UBXN10: variants seen among roughly 807,000 people sequenced by gnomAD.
UBXN10 encodes the protein UBX domain-containing protein 10.
UBXN10 carries 6 observed loss-of-function variants against 6.9 expected under a neutral mutation model. That is an observed-to-expected ratio of 0.87 (90% CI 0.48 to 1.72). The LOEUF is 1.72. Among genes scored for constraint, UBXN10 ranks in the 40% most tolerant of loss-of-function variants. The pLI, the probability that UBXN10 is intolerant of heterozygous loss-of-function variation, is 0.01. For synonymous variants in UBXN10, 131 were observed against 135.2 expected (o/e 0.97, Z 0.21); for missense variants, 317 against 348.4 (o/e 0.91, Z 0.72).
intron 1 of UBXN10, among the ~76,000 whole-genome samples, chr1:20,190,293 C>G (rs1368014147): frequency 6.6e-6 from 1 of 152,088 alleles, no homozygotes; most frequent in Non-Finnish European, 1.5e-5. Flanking sequence ...TTGAAAATAT[C>G]TATTTACTTG....
At position 20,192,178 on chromosome 1, in the gene UBXN10, A is replaced by AT. The variant is rs1254528724; in HGVS notation, c.*777dup. 2.4e-5 allele frequency: 4 copies of AT among 167,012 alleles called. No individual in the cohort carries two copies. In the Admixed American group the frequency reaches 2.6e-4, roughly 11 times the overall value. The allele number at this position is 167,012 out of a possible 1,614,324, so 10.3% of individuals were successfully genotyped here. A position where few individuals can be genotyped will look rare whatever the true frequency, so the allele number is the denominator to read the frequency against. ...AACCGAGAAAAGCCAGTGCAGTCTGATTTCTTTTGCTTTTGTCAGTAATGG... is the reference window on the plus strand; with the variant it reads ...AACCGAGAAAAGCCAGTGCAGTCTGATTTTCTTTTGCTTTTGTCAGTAATGG... On this transcript the variant is annotated 3_prime_UTR_variant, in exon 2 of 2. Transcript: ENST00000375099.
At chr1:20,186,375 G>T (rs1363231720) in intron 1 of UBXN10, 2 of 152,292 alleles carry the variant, frequency 1.3e-5, no homozygotes, top group Non-Finnish European at 2.9e-5. Flanking sequence ...CCAAAATAGG[G>T]TGACTCCCGG....
In UBXN10 at chr1:20,191,058, G is replaced by C. The variant is rs780274676; in HGVS notation, c.497G>C (p.Arg166Pro). The C allele has an allele frequency of 1.2e-6, 2 of 1,614,114 alleles. No individual in the cohort carries two copies. The highest frequency in any genetic ancestry group is 1.7e-6 in the Non-Finnish European group (2 of 1,180,036). Residue 166 changes from arginine (R) to proline (P), a missense_variant, in exon 2 of 2, where the codon CGA becomes CCA. Coordinates refer to ENST00000375099, the MANE Select transcript of UBXN10 (RefSeq NM_152376.5). This position sits in a 1 kb window ranked among gnomAD's most constrained non-coding sequence, Gnocchi z 4.5. ...MKTSEEDSRA[R>P]ACAVERKFIV... ...ACAAGTGAAGAAGATTCCAGAGCTC[G>C]AGCTTGTGCCGTGGAGAGGAAATTC...
rs2018474053 is a variant in UBXN10, at chr1:20,190,569, C to G, written c.8C>G (p.Thr3Arg). 1 of 1,611,038 alleles carries G rather than the reference C, an allele frequency of 6.2e-7. No individual in the cohort carries two copies. Among genetic ancestry groups the G allele is most frequent in the African/African-American group, 1.3e-5 (1 of 74,962 alleles). MATEAPVNIAPPE... is the reference protein window; with the variant it reads MAREAPVNIAPPE... The stretch of plus-strand genomic sequence containing the variant: ...TAGGGGTCTTGAGAAGCAATGGCCA[C>G]AGAAGCCCCTGTGAATATAGCACCA... Residue 3 changes from threonine (T) to arginine (R), a missense_variant, in exon 2 of 2, where the codon ACA becomes AGA. By Grantham distance (71) the Thr-to-Arg change is moderately conservative (BLOSUM62 -1). Transcript: ENST00000375099.
In UBXN10 at chr1:20,191,246, G is replaced by C. The variant is rs761247627; in HGVS notation, c.685G>C (p.Glu229Gln). The C allele has an allele frequency of 6.2e-7, 1 of 1,614,038 alleles. No individual in the cohort carries two copies. Among genetic ancestry groups the C allele is most frequent in the African/African-American group, 1.3e-5 (1 of 74,924 alleles). The change falls in exon 2 of 2, where the codon GAA becomes CAA. Residue 229 changes from glutamate (E) to glutamine (Q), a missense_variant. Physicochemically the swap from Glu to Gln is conservative, Grantham distance 29. Transcript: ENST00000375099. This position sits in a 1 kb window ranked among gnomAD's most constrained non-coding sequence, Gnocchi z 4.5. ...DDLQTIVAVAEQKNKTSYRHC... is the reference protein window; with the variant it reads ...DDLQTIVAVAQQKNKTSYRHC... The stretch of plus-strand genomic sequence containing the variant: ...TTTGCAAACCATTGTTGCTGTGGCC[G>C]AACAGAAAAACAAAACCTCCTACCG...
intron 1 of UBXN10, among the ~76,000 whole-genome samples, chr1:20,189,195 T>C (rs911294539): frequency 3.0e-4 from 46 of 152,088 alleles, no homozygotes; most frequent in Non-Finnish European, 7.3e-5. Context: ...CTCCCAAATA[T>C]GCTGTTTCTT....
Position 20,193,528 on chromosome 1 carries a change from T to G in UBXN10, c.*2124T>G. 1 of 167,044 alleles carries G rather than the reference T, an allele frequency of 6.0e-6. No individual in the cohort carries two copies. 10.3% of individuals were successfully genotyped at this position (167,044 alleles called of 1,614,324 possible). A position where few individuals can be genotyped will look rare whatever the true frequency, so the allele number is the denominator to read the frequency against. On this transcript the variant is annotated 3_prime_UTR_variant, in exon 2 of 2. Coordinates refer to ENST00000375099, the MANE Select transcript of UBXN10 (RefSeq NM_152376.5). Reference sequence around the variant, plus strand: ...GTGTGAAACTGAGTCAGTGGAGAAGTGCATCTCGTATTTTAACCTAAGGCT... The same window carrying G: ...GTGTGAAACTGAGTCAGTGGAGAAGGGCATCTCGTATTTTAACCTAAGGCT...
chr1:20,196,020 CTTAA>C lies in UBXN10; in HGVS notation c.*4622_*4625del, dbSNP rs1009510300. On this transcript the variant is annotated 3_prime_UTR_variant, in exon 2 of 2. Coordinates refer to ENST00000375099, the MANE Select transcript of UBXN10 (RefSeq NM_152376.5). ...GGCAAACAAAGCCATCATTCTGGGGCTTAATTAATAAAGCTCCTAGTTTCATAGT... is the reference window on the plus strand; with the variant it reads ...GGCAAACAAAGCCATCATTCTGGGGCTTAATAAAGCTCCTAGTTTCATAGT... 4 of 166,108 alleles carry C rather than the reference CTTAA, an allele frequency of 2.4e-5. No individual in the cohort carries two copies. The highest frequency in any genetic ancestry group is 6.5e-5 in the Admixed American group (1 of 15,302). The allele number at this position is 166,108 out of a possible 1,614,324, so 10.3% of individuals were successfully genotyped here.
At chr1:20,183,771 A>C (rs1441183222), upstream of UBXN10, among the ~76,000 whole-genome samples, 1 of 152,198 alleles carries the variant, frequency 6.6e-6, no homozygotes. Context: ...GCATGGGCAA[A>C]GACACTGGAG....
chr1:20,186,251 C>G (rs1356459851), intron 1 of UBXN10, 98 bp downstream of exon 1: 2 of 152,276 alleles, frequency 1.3e-5, no homozygotes, highest in Non-Finnish European at 2.9e-5. Context: ...GCACATCACC[C>G]GGGAGGGCCT....
chr1:20,183,472 C>G (rs1448234251), upstream of UBXN10, among the ~76,000 whole-genome samples: 1 of 152,176 alleles, frequency 6.6e-6, no homozygotes, highest in African/African-American at 2.4e-5. Context: ...TGCTCTGCTG[C>G]TCCTTCACCA....
Position 20,190,739 on chromosome 1 carries a change from G to A in UBXN10, c.178G>A (p.Ala60Thr), listed in dbSNP as rs759257774. The A allele has an allele frequency of 1.2e-5, 19 of 1,613,926 alleles. No homozygotes were observed. Among genetic ancestry groups the A allele is most frequent in the African/African-American group, 4.0e-5 (3 of 74,876 alleles). Residue 60 changes from alanine (A) to threonine (T), a missense_variant, in exon 2 of 2, where the codon GCT (alanine) becomes ACT (threonine). Transcript: ENST00000375099. ...LQKSQGVEVC[A>T]HHIPSPPPAI... Reference sequence around the variant, plus strand: ...GAAATCCCAGGGCGTGGAGGTGTGCGCTCATCATATACCATCTCCGCCTCC... The same window carrying A: ...GAAATCCCAGGGCGTGGAGGTGTGCACTCATCATATACCATCTCCGCCTCC...
In UBXN10 at chr1:20,190,843, T is replaced by C. The variant is rs1450851147; in HGVS notation, c.282T>C (p.Asp94=). 26 of 1,613,584 alleles carry C rather than the reference T, an allele frequency of 1.6e-5. No individual in the cohort carries two copies. Among genetic ancestry groups the C allele is most frequent in the Non-Finnish European group, 2.1e-5 (25 of 1,179,792 alleles). ...AATCTCCAAACCAGGGAGCTTCTGA[T>C]GAGATCCCTGAGCTGCAGCAGCAAG... is the stretch of plus-strand genomic sequence containing the variant. ...APKSPNQGAS[D]EIPELQQQVP... The change falls in exon 2 of 2, where the codon GAT becomes GAC. Residue 94 remains aspartate, a synonymous_variant. Coordinates refer to ENST00000375099, the MANE Select transcript of UBXN10 (RefSeq NM_152376.5).
rs2018506268 is a variant in UBXN10 at position 20,191,737 on chromosome 1, TGCCTTTA to T, written c.*334_*340del. ...TAATGGTCCTTTTCGAACACCGGCTTGCCTTTACAGTGAACTGTGATTCTCTCGAAGC... is the reference window on the plus strand; with the variant it reads ...TAATGGTCCTTTTCGAACACCGGCTTCAGTGAACTGTGATTCTCTCGAAGC... On this transcript the variant is annotated 3_prime_UTR_variant, in exon 2 of 2. Coordinates refer to ENST00000375099, the MANE Select transcript of UBXN10 (RefSeq NM_152376.5). This position sits in a 1 kb window ranked among gnomAD's most constrained non-coding sequence, Gnocchi z 4.5. 1 of 273,802 alleles carries T rather than the reference TGCCTTTA, an allele frequency of 3.7e-6. No homozygotes were observed. The highest frequency in any genetic ancestry group is 7.4e-6 in the Non-Finnish European group (1 of 135,260). 17.0% of individuals were successfully genotyped at this position (273,802 alleles called of 1,614,324 possible).
rs929121322 is a variant in UBXN10 at position 20,192,309 on chromosome 1, C to A, written c.*905C>A. ...GAGCAATTGTTTTATTCCCCAGTTT[C>A]AGTGCGTTGCCCACTTCAAACATGG... On this transcript the variant is annotated 3_prime_UTR_variant, in exon 2 of 2. Transcript: ENST00000375099. 3.6e-5 allele frequency: 6 copies of A among 167,126 alleles called. No homozygotes were observed. The highest frequency in any genetic ancestry group is 8.8e-5 in the Non-Finnish European group (6 of 68,134). The allele number at this position is 167,126 out of a possible 1,614,324, so 10.4% of individuals were successfully genotyped here.
In UBXN10 at chr1:20,191,754, G is replaced by A. The variant is rs776513854; in HGVS notation, c.*350G>A. The A allele has an allele frequency of 2.5e-5, 6 of 243,206 alleles. No individual in the cohort carries two copies. Among genetic ancestry groups the A allele is most frequent in the Admixed American group, 5.1e-5 (1 of 19,728 alleles). 15.1% of individuals were successfully genotyped at this position (243,206 alleles called of 1,614,324 possible). A position where few individuals can be genotyped will look rare whatever the true frequency, so the allele number is the denominator to read the frequency against. On this transcript the variant is annotated 3_prime_UTR_variant, in exon 2 of 2. Transcript: ENST00000375099. The surrounding 1 kb of genome is among the most constrained non-coding windows in gnomAD (Gnocchi z 4.5). ...CACCGGCTTGCCTTTACAGTGAACT[G>A]TGATTCTCTCGAAGCCAATGCTTTC... is the stretch of plus-strand genomic sequence containing the variant.
chr1:20,184,841 G>A (rs1175326163), upstream of UBXN10, among the ~76,000 whole-genome samples: 1 of 152,104 alleles, frequency 6.6e-6, no homozygotes. Flanking sequence ...GCAAAACAAC[G>A]TTTTGAAATA....
intron 1 of UBXN10, among the ~76,000 whole-genome samples, chr1:20,188,810 C>T (rs910820778): frequency 1.3e-5 from 2 of 152,046 alleles, no homozygotes; most frequent in African/African-American, 4.8e-5. Context: ...CGAGGACACA[C>T]GGGGAAAAGT....
Position 20,190,944 on chromosome 1 carries a change from A to T in UBXN10, c.383A>T (p.Glu128Val). 6.2e-7 allele frequency: 1 copy of T among 1,614,164 alleles called. No homozygotes were observed. Among genetic ancestry groups the T allele is most frequent in the Non-Finnish European group, 8.5e-7 (1 of 1,180,032 alleles). Reference protein sequence around the residue: ...PSINRKNLEEEAVETVAKKAS... With the variant: ...PSINRKNLEEVAVETVAKKAS... ...ATCAACAGAAAGAACCTGGAGGAGG[A>T]GGCTGTGGAAACCGTTGCCAAAAAG... is the stretch of plus-strand genomic sequence containing the variant. The change falls in exon 2 of 2, where the codon GAG (glutamate) becomes GTG (valine). Residue 128 changes from glutamate to valine, a missense_variant. Coordinates refer to ENST00000375099, the MANE Select transcript of UBXN10 (RefSeq NM_152376.5).
Sources: allele counts gnomAD v4.1 joint callset (sites outside exome capture counted in the v4.1 genomes callset), GRCh38; gene constraint gnomAD v4.1.1; non-coding constraint Gnocchi (gnomAD v3.1); transcripts MANE v1.5; gene names NCBI Gene and HGNC (gene_info 2026-07-23, HGNC 2026-07-21).